Variants in PTPN11 observed in about 807,000 individuals in gnomAD.
PTPN11 encodes tyrosine-protein phosphatase non-receptor type 11.
PTPN11 carries 6 observed loss-of-function variants against 78.8 expected under a neutral mutation model. That is an observed-to-expected ratio of 0.08 (90% confidence interval 0.04 to 0.15). PTPN11 has a LOEUF of 0.15. Among genes scored for constraint, PTPN11 ranks in the 10% least tolerant of loss-of-function variants. The pLI, the probability that PTPN11 is intolerant of heterozygous loss-of-function variation, is 1.00. For synonymous variants in PTPN11, 221 were observed against 263.5 expected, an observed-to-expected ratio of 0.84 and a Z score of 1.56; for missense variants, 386 against 744.8, an observed-to-expected ratio of 0.52 and a Z score of 5.61.
intron 1 of PTPN11, among the ~76,000 whole-genome samples, chr12:112,422,061 G>A (rs370919312): frequency 1.2e-3 from 178 of 152,264 alleles, no homozygotes; most frequent in African/African-American, 3.9e-3. Context: ...ACTAAATAGG[G>A]CAATTTCAGG....
intron 4 of PTPN11, 29 bp downstream of exon 4, chr12:112,453,416 G>T: frequency 6.2e-7 from 1 of 1,601,814 alleles, no homozygotes; most frequent in Middle Eastern, 1.8e-4. Context: ...AATGGGTCTG[G>T]CAAGATGTTA....
chr12:112,469,362 C>CT lies in PTPN11; in HGVS notation c.757-3571dup, dbSNP rs140898125. The stretch of plus-strand genomic sequence containing the variant: ...ATCTACCTCTAACACTTGCCTGTGT[C>CT]TTTTTTTTTTTGCAAAGCCTCAGGA... On this transcript the variant is annotated intron_variant, in intron 6 of 15. Transcript: ENST00000351677. 3.8e-3 allele frequency among the ~76,000 whole-genome samples: 547 copies of CT among 143,092 alleles called. 5 individuals carry two copies. The highest frequency in any genetic ancestry group is 0.011 in the African/African-American group (446 of 39,158). The allele number at this position is 143,092 out of a possible 152,430, so 93.9% of individuals were successfully genotyped here.
Position 112,419,141 on chromosome 12 carries a change from GGGCCCGGCGCGGGCCTC to G in PTPN11, c.14+25_14+41del, listed in dbSNP as rs772900183. ...CATCGCGGAGGTGAGGAGCCCCGAG[GGGCCCGGCGCGGGCCTC>G]GGCCCGGCCACCGCCGCGTTCGGTT... On this transcript the variant is annotated intron_variant, in intron 1 of 15. Transcript: ENST00000351677. The G allele has an allele frequency of 9.3e-6, 14 of 1,509,796 alleles. No individual in the cohort carries two copies. The highest frequency in any genetic ancestry group is 8.7e-5 in the South Asian group (7 of 80,912). 93.5% of individuals were successfully genotyped at this position (1,509,796 alleles called of 1,614,324 possible). A position where few individuals can be genotyped will look rare whatever the true frequency, so the allele number is the denominator to read the frequency against.
chr12:112,455,876 T>G (rs1305343459), intron 5 of PTPN11, 74 bp from the exon 6 acceptor site: 5 of 860,650 alleles, frequency 5.8e-6, no homozygotes, highest in South Asian at 1.5e-5. Context: ...GACATGTTTT[T>G]TTTTTTTTTT....
chr12:112,452,066 G>A (rs1342747853), intron 3 of PTPN11, among the ~76,000 whole-genome samples: 6 of 151,870 alleles, frequency 4.0e-5, no homozygotes, highest in African/African-American at 1.2e-4. Context: ...AGTAGAGACA[G>A]GGTTTTGTCA....
intron 13 of PTPN11, among the ~76,000 whole-genome samples, chr12:112,493,274 G>A (rs536100720): frequency 1.3e-5 from 2 of 152,082 alleles, no homozygotes; most frequent in Non-Finnish European, 2.9e-5. Context: ...GGCCAGGCTG[G>A]TCTCGAACTC....
chr12:112,475,087 CTTTGCATTT>C (rs1273997507), intron 7 of PTPN11, among the ~76,000 whole-genome samples: 2 of 152,210 alleles, frequency 1.3e-5, no homozygotes, highest in Non-Finnish European at 2.9e-5. Flanking sequence ...ATGCTGAACT[CTTTGCATTT>C]TTATCTCACT....
intron 1 of PTPN11, among the ~76,000 whole-genome samples, chr12:112,437,175 G>A (rs2037805508): frequency 6.6e-6 from 1 of 151,944 alleles, no homozygotes; most frequent in East Asian, 1.9e-4. Flanking sequence ...TTTTGAGACA[G>A]GGTCTCACTG....
chr12:112,426,323 C>G (rs1350109993), intron 1 of PTPN11, among the ~76,000 whole-genome samples: 2 of 152,126 alleles, frequency 1.3e-5, no homozygotes, highest in African/African-American at 4.8e-5. Context: ...GTGGCACCAT[C>G]TTGCCTCACT....
intron 11 of PTPN11, among the ~76,000 whole-genome samples, chr12:112,487,645 A>T (rs2135914055): frequency 6.6e-6 from 1 of 152,282 alleles, no homozygotes; most frequent in East Asian, 1.9e-4. Context: ...TTCTTGGGCA[A>T]GTAGATATAT....
intron 1 of PTPN11, among the ~76,000 whole-genome samples, chr12:112,437,499 A>G (rs1566159778): frequency 1.3e-5 from 2 of 152,152 alleles, no homozygotes; most frequent in Non-Finnish European, 2.9e-5. Flanking sequence ...GTATGGTTCT[A>G]ACTACTTTGT....
chr12:112,490,049 G>T lies in PTPN11; in HGVS notation c.1599+874G>T, dbSNP rs145609590. On this transcript the variant is annotated intron_variant, in intron 13 of 15. Coordinates refer to ENST00000351677, the MANE Select transcript of PTPN11 (RefSeq NM_002834.5). Reference sequence around the variant, plus strand: ...CACAGACATACGGGATTGTTTTATTGTACATAGACATCTTCAGAAACAGTG... The same window carrying T: ...CACAGACATACGGGATTGTTTTATTTTACATAGACATCTTCAGAAACAGTG... Among the ~76,000 whole-genome samples, 848 of 152,248 alleles carry T rather than the reference G, an allele frequency of 5.6e-3. 6 individuals carry two copies. The highest frequency in any genetic ancestry group is 7.3e-3 in the Admixed American group (111 of 15,292).
chr12:112,434,684 T>TTG (rs1047913302), intron 1 of PTPN11, among the ~76,000 whole-genome samples: 2 of 152,182 alleles, frequency 1.3e-5, no homozygotes, highest in Admixed American at 6.5e-5. Flanking sequence ...AGAATCCCAT[T>TTG]TGTGTGTGTG....
rs146059469 is a variant in PTPN11 at position 112,438,850 on chromosome 12, C to A, written c.15-7426C>A. Among the ~76,000 whole-genome samples the A allele has an allele frequency of 6.1e-3, 922 of 152,158 alleles. 8 individuals carry two copies. The highest frequency in any genetic ancestry group is 0.021 in the African/African-American group (885 of 41,504). Reference sequence around the variant, plus strand: ...ATGTTGCCCAGGCTGGTCTTGAACACCTGGCCTTAAGCAATCCTCCCACCC... The same window carrying A: ...ATGTTGCCCAGGCTGGTCTTGAACAACTGGCCTTAAGCAATCCTCCCACCC... On this transcript the variant is annotated intron_variant, in intron 1 of 15. Coordinates refer to ENST00000351677, the MANE Select transcript of PTPN11 (RefSeq NM_002834.5).
intron 10 of PTPN11, among the ~76,000 whole-genome samples, chr12:112,484,888 AAAAAT>A (rs1303089981): frequency 7.9e-5 from 12 of 152,016 alleles, no homozygotes; most frequent in African/African-American, 2.2e-4. Flanking sequence ...AGTTAAAAAT[AAAAAT>A]AAAATAAAAT....
At chr12:112,432,370 A>G (rs1036923987) in intron 1 of PTPN11, among the ~76,000 whole-genome samples, 15 of 152,206 alleles carry the variant, frequency 9.9e-5, no homozygotes, top group African/African-American at 3.1e-4. Context: ...TGGTGGTCCC[A>G]TAAGAATATA....
chr12:112,440,142 A>AG (rs1391832120), intron 1 of PTPN11, among the ~76,000 whole-genome samples: 1 of 152,214 alleles, frequency 6.6e-6, no homozygotes, highest in Non-Finnish European at 1.5e-5. Context: ...AGATGAAAGA[A>AG]GCTGCAAGGA....
At chr12:112,454,120 C>A (rs750551034) in intron 4 of PTPN11, among the ~76,000 whole-genome samples, 25 of 151,860 alleles carry the variant, frequency 1.6e-4, no homozygotes, top group Non-Finnish European at 2.8e-4. Context: ...TATACACACA[C>A]CACATTTTTA....
In PTPN11 at chr12:112,450,486, G is replaced by C. The variant is rs2135862963; in HGVS notation, c.306G>C (p.Leu102=). 1 of 1,614,058 alleles carries C rather than the reference G, an allele frequency of 6.2e-7. No homozygotes were observed. Among genetic ancestry groups the C allele is most frequent in the African/African-American group, 1.3e-5 (1 of 75,048 alleles). Residue 102 remains leucine, a synonymous_variant, in exon 3 of 16, where the codon CTG becomes CTC. Coordinates refer to ENST00000351677, the MANE Select transcript of PTPN11 (RefSeq NM_002834.5). ...ATGTCATTGAGCTTAAATATCCTCT[G>C]AACTGTGCAGATCCTACCTCTGAAA... The part of the protein sequence containing the change: ...NGDVIELKYP[L]NCADPTSERW...
Sources: allele counts gnomAD v4.1 joint callset (sites outside exome capture counted in the v4.1 genomes callset), GRCh38; gene constraint gnomAD v4.1.1; transcripts MANE v1.5; gene names NCBI Gene and HGNC (gene_info 2026-07-23, HGNC 2026-07-21).